The following DLEC1 variants were observed in gnomAD, a reference collection of about 807,000 sequenced individuals.
DLEC1 encodes deleted in lung and esophageal cancer protein 1.
DLEC1 carries 146 observed loss-of-function variants against 198.1 expected under a neutral mutation model. The observed-to-expected ratio is 0.74, with a 90% CI of 0.64 to 0.85. DLEC1 has a LOEUF of 0.85. Ranked by LOEUF, DLEC1 falls within the 40% of genes least tolerant of loss-of-function variation. The probability of loss-of-function intolerance (pLI) is 0.00; values close to 1 mark genes in which losing one functional copy is unlikely to be tolerated. For missense variants in DLEC1, 2,233 were observed against 2,220.0 expected (o/e 1.01, Z -0.12); for synonymous variants, 897 against 866.8 (o/e 1.03, Z -0.61).
chr3:38,085,156 G>T, intron 7 of DLEC1, 118 bp from the exon 8 acceptor site: 1 of 1,122,266 alleles, frequency 8.9e-7, no homozygotes, highest in Non-Finnish European at 1.3e-6. Flanking sequence ...GCGTGGCTTT[G>T]GCCCAGAAGG....
chr3:38,118,143 T>C, intron 33 of DLEC1, 119 bp downstream of exon 33: 1 of 1,112,746 alleles, frequency 9.0e-7, no homozygotes, highest in Non-Finnish European at 1.3e-6. Context: ...TGCCTGACCC[T>C]GCCATACCCT....
chr3:38,039,663 C>G, intron 1 of DLEC1, 27 bp downstream of exon 1: 1 of 1,574,600 alleles, frequency 6.4e-7, no homozygotes, highest in Non-Finnish European at 8.6e-7. Context: ...GTCGCGTCTG[C>G]GGACGGTGCC....
At chr3:38,118,102 C>A in intron 33 of DLEC1, 78 bp downstream of exon 33, 1 of 1,483,086 alleles carries the variant, frequency 6.7e-7, no homozygotes, top group Middle Eastern at 2.4e-4. Flanking sequence ...GCACGCCACC[C>A]TCAGGTGCTT....
intron 9 of DLEC1, 116 bp from the exon 10 acceptor site, chr3:38,088,180 T>TCC: frequency 2.3e-6 from 2 of 871,920 alleles, no homozygotes; most frequent in South Asian, 3.3e-5. Context: ...TGTGACTGGA[T>TCC]GATCCTTAAG....
chr3:38,050,565 G>A (rs941015795), intron 2 of DLEC1, among the ~76,000 whole-genome samples: 1 of 152,036 alleles, frequency 6.6e-6, no homozygotes, highest in Non-Finnish European at 1.5e-5. Context: ...GGGGGGCCAG[G>A]TGAGCTAATA....
At chr3:38,047,061 C>T (rs1419074644) in intron 2 of DLEC1, among the ~76,000 whole-genome samples, 3 of 152,190 alleles carry the variant, frequency 2.0e-5, no homozygotes, top group African/African-American at 7.2e-5. Flanking sequence ...GTGATGTTAA[C>T]CTCCATCCCC....
rs764980106 is a variant in DLEC1 at position 38,092,770 on chromosome 3, A to G, written c.1666-20A>G. 6.2e-7 allele frequency: 1 copy of G among 1,610,610 alleles called. No homozygotes were observed. The highest frequency in any genetic ancestry group is 1.1e-5 in the South Asian group (1 of 91,002). On this transcript the variant is annotated intron_variant, in intron 10 of 36. Transcript: ENST00000308059. ...AAGCCCTTTAATGGGAGGTAACGGA[A>G]CAACCCTTCTCTCCCCCAGGTCTTG...
intron 7 of DLEC1, 146 bp downstream of exon 7, chr3:38,084,391 TA>T (rs1161542252): frequency 1.1e-4 from 42 of 384,804 alleles, no homozygotes; most frequent in East Asian, 3.5e-4. Flanking sequence ...GTAGTAGTGG[TA>T]GTAGTAGTAG....
At chr3:38,052,886 C>T (rs1386357683) in intron 2 of DLEC1, among the ~76,000 whole-genome samples, 1 of 152,214 alleles carries the variant, frequency 6.6e-6, no homozygotes, top group Admixed American at 6.5e-5. Context: ...CTGCAACCTC[C>T]CTGCCTGATT....
At chr3:38,040,762 T>G (rs1447707597) in intron 1 of DLEC1, among the ~76,000 whole-genome samples, 2 of 152,234 alleles carry the variant, frequency 1.3e-5, no homozygotes, top group Non-Finnish European at 2.9e-5. Flanking sequence ...TCTCAGTATC[T>G]GTCCCATAAG....
At chr3:38,070,461 A>G (rs1697253088) in intron 6 of DLEC1, among the ~76,000 whole-genome samples, 1 of 152,226 alleles carries the variant, frequency 6.6e-6, no homozygotes, top group South Asian at 2.1e-4. Flanking sequence ...AGATGCTCAT[A>G]AATAGTAATT....
chr3:38,094,376 T>C (rs1257823720), intron 12 of DLEC1, among the ~76,000 whole-genome samples: 4 of 151,974 alleles, frequency 2.6e-5, no homozygotes, highest in Non-Finnish European at 4.4e-5. Context: ...GCCCCTCCTA[T>C]GCTATGGAGT....
At chr3:38,113,031 GATC>G (rs1699970692) in intron 25 of DLEC1, among the ~76,000 whole-genome samples, 2 of 152,176 alleles carry the variant, frequency 1.3e-5, no homozygotes, top group South Asian at 4.1e-4. Flanking sequence ...ACAAAGAATT[GATC>G]ATGTTAATAT....
chr3:38,072,007 A>G (rs545940508), intron 6 of DLEC1, among the ~76,000 whole-genome samples: 4 of 152,144 alleles, frequency 2.6e-5, no homozygotes, highest in Non-Finnish European at 5.9e-5. Context: ...TTTGCTGGTG[A>G]GTGGCAATTA....
chr3:38,053,341 T>C (rs1297625712), intron 2 of DLEC1, among the ~76,000 whole-genome samples: 11 of 150,504 alleles, frequency 7.3e-5, no homozygotes, highest in African/African-American at 2.7e-4. Context: ...ATCTAGGAAG[T>C]GAGGAGCGTC....
intron 29 of DLEC1, 42 bp downstream of exon 29, chr3:38,116,931 C>A: frequency 6.2e-7 from 1 of 1,612,024 alleles, no homozygotes; most frequent in Non-Finnish European, 8.5e-7. Context: ...CATTGGCCGG[C>A]CAGTGGGCAT....
At chr3:38,070,683 G>T (rs554624933) in intron 6 of DLEC1, among the ~76,000 whole-genome samples, 9 of 152,318 alleles carry the variant, frequency 5.9e-5, no homozygotes, top group Admixed American at 2.0e-4. Flanking sequence ...TCTCTGGCGG[G>T]CAGGAGTGGG....
At chr3:38,115,875 G>A (rs1405460507) in intron 27 of DLEC1, among the ~76,000 whole-genome samples, 1 of 152,054 alleles carries the variant, frequency 6.6e-6, no homozygotes, top group Admixed American at 6.6e-5. Context: ...AGCTTAGGTT[G>A]GGGACAGATT....
chr3:38,108,253 C>T (rs903177724), intron 20 of DLEC1, 152 bp from the exon 21 acceptor site: 9 of 644,788 alleles, frequency 1.4e-5, no homozygotes, highest in Non-Finnish European at 2.5e-5. Flanking sequence ...GTGGTTTATC[C>T]CCAGAAGTGA....
Sources: gnomAD v4.1 joint callset for allele counts (sites outside exome capture counted in the v4.1 genomes callset) on GRCh38, gnomAD v4.1.1 for gene constraint, MANE v1.5 for transcripts, NCBI Gene and HGNC (gene_info 2026-07-23, HGNC 2026-07-21) for gene names.